The following WWOX variants were observed in gnomAD, a reference collection of about 807,000 sequenced individuals.
WWOX encodes WW domain-containing oxidoreductase.
A neutral mutation model predicts 46.2 loss-of-function variants in WWOX; 69 were observed. The ratio of observed to expected loss-of-function variants is 1.49; its 90% CI spans 1.23 to 1.82. WWOX has a LOEUF of 1.82. Among genes scored for constraint, WWOX ranks in the 40% most tolerant of loss-of-function variants. The pLI is 0.00. For missense variants in WWOX, 919 were observed against 542.6 expected, an observed-to-expected ratio of 1.69 and a Z score of -6.89; for synonymous variants, 359 against 202.6, an observed-to-expected ratio of 1.77 and a Z score of -6.56.
chr16:78,634,345 C>G (rs779591352), intron 8 of WWOX, among the ~76,000 whole-genome samples: 1 of 152,146 alleles, frequency 6.6e-6, no homozygotes, highest in African/African-American at 2.4e-5. Context: ...ATCCTTATCT[C>G]TTTCACTTAT....
chr16:79,022,344 CAAAAAAA>C lies in WWOX; in HGVS notation c.1057-189248_1057-189242del, dbSNP rs10654627. ...AAGAGGACTCTCCAGCAATCTGTGG[CAAAAAAA>C]AAAAAAAAAAAAAAAGTCCCGCTTG... On this transcript the variant is annotated intron_variant, in intron 8 of 8. Coordinates refer to ENST00000566780, the MANE Select transcript of WWOX (RefSeq NM_016373.4). Among the ~76,000 whole-genome samples, 28 of 71,218 alleles carry C rather than the reference CAAAAAAA, an allele frequency of 3.9e-4. 1 individual carries two copies. Among genetic ancestry groups the C allele is most frequent in the South Asian group, 2.3e-3 (4 of 1,752 alleles). 46.7% of individuals were successfully genotyped at this position (71,218 alleles called of 152,430 possible).
At chr16:78,565,444 C>T (rs946682329) in intron 8 of WWOX, among the ~76,000 whole-genome samples, 4 of 152,198 alleles carry the variant, frequency 2.6e-5, no homozygotes, top group Non-Finnish European at 5.9e-5. Flanking sequence ...TTCAAACCAG[C>T]AGTTTAATAT....
intron 5 of WWOX, among the ~76,000 whole-genome samples, chr16:78,294,664 T>TA (rs2079914611): frequency 6.6e-6 from 1 of 152,032 alleles, no homozygotes; most frequent in African/African-American, 2.4e-5. Flanking sequence ...GCAAATCTTA[T>TA]AATGTGACTC....
At chr16:78,929,595 C>G (rs2045574474) in intron 8 of WWOX, among the ~76,000 whole-genome samples, 1 of 152,118 alleles carries the variant, frequency 6.6e-6, no homozygotes, top group South Asian at 2.1e-4. Flanking sequence ...GCCTGGTGGA[C>G]AAGGAGGGCG....
intron 8 of WWOX, among the ~76,000 whole-genome samples, chr16:78,692,835 A>G (rs1309297488): frequency 6.6e-6 from 1 of 152,204 alleles, no homozygotes; most frequent in African/African-American, 2.4e-5. Flanking sequence ...TATTTTCTTA[A>G]AGAGACAACT....
At chr16:78,516,262 G>T (rs2043233378) in intron 8 of WWOX, among the ~76,000 whole-genome samples, 1 of 152,074 alleles carries the variant, frequency 6.6e-6, no homozygotes, top group Admixed American at 6.6e-5. Flanking sequence ...TGCAGGGAGG[G>T]TTTGCTGTTG....
At chr16:78,718,992 C>T (rs2048632072) in intron 8 of WWOX, among the ~76,000 whole-genome samples, 1 of 151,984 alleles carries the variant, frequency 6.6e-6, no homozygotes, top group African/African-American at 2.4e-5. Flanking sequence ...TCTGTAAGAT[C>T]CCAGGCACTC....
At chr16:78,896,154 T>C (rs1262390632) in intron 8 of WWOX, 1 of 152,118 alleles carries the variant, frequency 6.6e-6, no homozygotes, top group African/African-American at 2.4e-5. Flanking sequence ...ATAGAAATAC[T>C]TCAGAAGAAA....
At chr16:78,624,159 T>C (rs1286553489) in intron 8 of WWOX, among the ~76,000 whole-genome samples, 2 of 152,252 alleles carry the variant, frequency 1.3e-5, no homozygotes, top group South Asian at 2.1e-4. Flanking sequence ...ATTGGAATTT[T>C]TGCTTTTGAA....
At chr16:78,792,318 A>G (rs2050626561) in intron 8 of WWOX, among the ~76,000 whole-genome samples, 2 of 152,104 alleles carry the variant, frequency 1.3e-5, no homozygotes, top group South Asian at 4.1e-4. Context: ...CCCACCTTGG[A>G]TCTCTCTCCT....
intron 8 of WWOX, among the ~76,000 whole-genome samples, chr16:78,454,405 G>A (rs1249576803): frequency 6.6e-6 from 1 of 152,006 alleles, no homozygotes; most frequent in South Asian, 2.1e-4. Flanking sequence ...GTGTGTATTT[G>A]TCTGAAATAA....
At chr16:78,790,467 A>T (rs1317563426) in intron 8 of WWOX, among the ~76,000 whole-genome samples, 2 of 152,290 alleles carry the variant, frequency 1.3e-5, no homozygotes, top group East Asian at 3.9e-4. Context: ...CACACAGTGA[A>T]CTTAAATCTC....
Position 78,799,104 on chromosome 16 carries a change from G to C in WWOX, c.1056+366352G>C, listed in dbSNP as rs1051356544. On this transcript the variant is annotated intron_variant, in intron 8 of 8. Transcript: ENST00000566780. ...ACAATAAGTGTTTTTAAATTGTGTAGATTACCTCCACTTCATTATGGTTCC... is the reference window on the plus strand; with the variant it reads ...ACAATAAGTGTTTTTAAATTGTGTACATTACCTCCACTTCATTATGGTTCC... Among the ~76,000 whole-genome samples, 8 of 152,300 alleles carry C rather than the reference G, an allele frequency of 5.3e-5. No individual in the cohort carries two copies. In the East Asian group the frequency reaches 1.5e-3, roughly 29 times the overall value.
chr16:78,633,777 G>A (rs2046497998), intron 8 of WWOX, among the ~76,000 whole-genome samples: 1 of 152,208 alleles, frequency 6.6e-6, no homozygotes, highest in South Asian at 2.1e-4. Context: ...ACTCCAGGCT[G>A]TGGTGTGCGG....
intron 8 of WWOX, among the ~76,000 whole-genome samples, chr16:78,848,260 A>G (rs182448378): frequency 1.3e-5 from 2 of 152,310 alleles, no homozygotes; most frequent in Non-Finnish European, 2.9e-5. Context: ...TGGGCTCCCA[A>G]TCAGTGCTGC....
chr16:78,891,313 C>T (rs1224771942), intron 8 of WWOX: 2 of 152,098 alleles, frequency 1.3e-5, no homozygotes, highest in African/African-American at 2.4e-5. Flanking sequence ...CCTAAGTTCA[C>T]CCTCCTCCCT....
At chr16:78,853,028 T>G (rs575753732) in intron 8 of WWOX, among the ~76,000 whole-genome samples, 46 of 152,320 alleles carry the variant, frequency 3.0e-4, no homozygotes, top group African/African-American at 1.1e-3. Flanking sequence ...TAATTAGTAA[T>G]GTCTTATCTC....
intron 8 of WWOX, among the ~76,000 whole-genome samples, chr16:78,472,563 C>T (rs560020243): frequency 6.6e-6 from 1 of 152,164 alleles, no homozygotes; most frequent in Non-Finnish European, 1.5e-5. Context: ...AATCCCAGCA[C>T]TTTGGAAGGC....
At chr16:78,399,050 T>A in intron 6 of WWOX, among the ~76,000 whole-genome samples, 1 of 135,180 alleles carries the variant, frequency 7.4e-6, no homozygotes, top group East Asian at 2.1e-4. Flanking sequence ...AACAGGTAAG[T>A]ATAAGGAAGG....
Sources: allele counts gnomAD v4.1 joint callset (sites outside exome capture counted in the v4.1 genomes callset), GRCh38; gene constraint gnomAD v4.1.1; transcripts MANE v1.5; gene names NCBI Gene and HGNC (gene_info 2026-07-23, HGNC 2026-07-21).